PIK3R6: variants seen among roughly 807,000 people sequenced by gnomAD.
The protein encoded by PIK3R6 is phosphoinositide 3-kinase regulatory subunit 6.
Under a neutral mutation model 84.9 loss-of-function variants are expected in PIK3R6, and 91 were observed. The observed-to-expected ratio is 1.07, with a 90% CI of 0.90 to 1.28. The LOEUF (loss-of-function observed/expected upper bound fraction) is 1.28. PIK3R6 is among the 50% of genes most tolerant of loss of function. PIK3R6 has a pLI of 0.00. For synonymous variants in PIK3R6, 416 were observed against 411.4 expected (o/e 1.01, Z -0.13); for missense variants, 996 against 985.1 (o/e 1.01, Z -0.15).
intron 10 of PIK3R6, among the ~76,000 whole-genome samples, 158 bp downstream of exon 10, chr17:8,829,548 A>G (rs1567588723): frequency 3.3e-5 from 5 of 149,766 alleles, no homozygotes; most frequent in Admixed American, 6.6e-5. Context: ...ATGCACACAG[A>G]CACACACTCA....
At chr17:8,859,653 G>T (rs1251607048) in intron 1 of PIK3R6, among the ~76,000 whole-genome samples, 1 of 152,176 alleles carries the variant, frequency 6.6e-6, no homozygotes, top group African/African-American at 2.4e-5. Flanking sequence ...GGAGGAGGAA[G>T]GGCAGATGTG....
intron 17 of PIK3R6, among the ~76,000 whole-genome samples, chr17:8,819,857 G>GAC (rs908362842): frequency 2.1e-5 from 3 of 143,236 alleles, no homozygotes; most frequent in Non-Finnish European, 4.5e-5. Flanking sequence ...TGTATATATA[G>GAC]ACACACATAT....
At chr17:8,847,938 C>T (rs1352624993) in intron 2 of PIK3R6, among the ~76,000 whole-genome samples, 1 of 152,182 alleles carries the variant, frequency 6.6e-6, no homozygotes, top group Non-Finnish European at 1.5e-5. Flanking sequence ...GTTTCACCTG[C>T]CCAGCATCCC....
chr17:8,804,206 C>G, intron 18 of PIK3R6, 53 bp from the exon 19 acceptor site: 1 of 1,443,208 alleles, frequency 6.9e-7, no homozygotes, highest in Non-Finnish European at 9.7e-7. Context: ...ACAGGTGGCC[C>G]TGCCAACATG....
At position 8,828,792 on chromosome 17, in the gene PIK3R6, C is replaced by A; in HGVS notation, c.1088G>T (p.Arg363Leu). ...GCCCCCTTTGCGCTGCAGCCCGGCTCGCTCCATCTCAGGGCTGCCGGGTGC... is the reference window on the plus strand; with the variant it reads ...GCCCCCTTTGCGCTGCAGCCCGGCTAGCTCCATCTCAGGGCTGCCGGGTGC... ...LPAPGSPEME[R>L]AGLQRKGGIK... Residue 363 changes from arginine to leucine, a missense_variant, in exon 11 of 20, where the codon CGA becomes CTA. Coordinates refer to ENST00000619866, the MANE Select transcript of PIK3R6 (RefSeq NM_001010855.4). 6.3e-7 allele frequency: 1 copy of A among 1,586,884 alleles called. No individual in the cohort carries two copies. The highest frequency in any genetic ancestry group is 8.6e-7 in the Non-Finnish European group (1 of 1,164,506).
chr17:8,821,908 A>T lies in PIK3R6; in HGVS notation c.1817T>A (p.Val606Asp). Reference sequence around the variant, plus strand: ...CCCAGTGGCCCGCAGGGAAACGGTGACCTCTCGGGGCCGGTGGCTAAGCAA... The same window carrying T: ...CCCAGTGGCCCGCAGGGAAACGGTGTCCTCTCGGGGCCGGTGGCTAAGCAA... ...KALLSHRPRE[V>D]TVSLRATGLI... Residue 606 changes from valine to aspartate, a missense_variant, in exon 17 of 20, where the codon GTC becomes GAC. Physicochemically the swap from Val to Asp is radical, Grantham distance 152. Coordinates refer to ENST00000619866, the MANE Select transcript of PIK3R6 (RefSeq NM_001010855.4). 3 of 1,590,608 alleles carry T rather than the reference A, an allele frequency of 1.9e-6. No individual in the cohort carries two copies. The highest frequency in any genetic ancestry group is 2.6e-6 in the Non-Finnish European group (3 of 1,168,672).
At chr17:8,822,722 C>G in intron 15 of PIK3R6, 65 bp from the exon 16 acceptor site, 1 of 1,508,966 alleles carries the variant, frequency 6.6e-7, no homozygotes, top group Non-Finnish European at 9.1e-7. Flanking sequence ...ACTTCCCCAC[C>G]TCTCTGAGGG....
In PIK3R6 at chr17:8,822,653, G is replaced by A. The variant is rs2087779523; in HGVS notation, c.1722C>T (p.Gly574=). ...CCACGCCTCTCCTCCTGGGTGAAAA[G>A]CCATCTGTGGGGAGATGAGAAGAGG... is the stretch of plus-strand genomic sequence containing the variant. ...KIQDSKFPKD[G]FSPRRRGVAE... is the part of the protein sequence containing the mutation. The change falls in exon 16 of 20, where the codon GGC becomes GGT. Residue 574 remains glycine (G), a synonymous_variant. Transcript: ENST00000619866. 6.2e-7 allele frequency: 1 copy of A among 1,613,844 alleles called. No homozygotes were observed. The highest frequency in any genetic ancestry group is 8.5e-7 in the Non-Finnish European group (1 of 1,179,868).
rs1002120849 is a variant in PIK3R6, at chr17:8,835,454, A to G, written c.464T>C (p.Val155Ala). 1.9e-6 allele frequency: 3 copies of G among 1,557,390 alleles called. No individual in the cohort carries two copies. Among genetic ancestry groups the G allele is most frequent in the Non-Finnish European group, 2.6e-6 (3 of 1,141,572 alleles). ...TNELYPYQER[V>A]FLFVDPELVS... ...CAGCTCAGGATCCACGAAGAGGAAC[A>G]CTCTGAGGGCAGAAGCAGAGGGGAG... Residue 155 changes from valine (V) to alanine (A), a missense_variant and splice_region_variant, in exon 8 of 20, where the codon GTG (valine) becomes GCG (alanine). Coordinates refer to ENST00000619866, the MANE Select transcript of PIK3R6 (RefSeq NM_001010855.4).
At chr17:8,834,365 G>A (rs1468277077) in intron 8 of PIK3R6, among the ~76,000 whole-genome samples, 1 of 150,856 alleles carries the variant, frequency 6.6e-6, no homozygotes, top group Non-Finnish European at 1.5e-5. Flanking sequence ...AAGAGAGATG[G>A]GAACAGGTCA....
At chr17:8,854,398 C>T (rs1035279229) in intron 1 of PIK3R6, among the ~76,000 whole-genome samples, 16 of 152,296 alleles carry the variant, frequency 1.1e-4, no homozygotes, top group African/African-American at 3.1e-4. Context: ...CCTCCCGCCT[C>T]GGTCTCCCAA....
chr17:8,856,111 C>T (rs559191619), intron 1 of PIK3R6, among the ~76,000 whole-genome samples: 16 of 152,186 alleles, frequency 1.1e-4, no homozygotes, highest in Admixed American at 1.3e-4. Context: ...ATTCTAGAAA[C>T]GAAAATAAAA....
chr17:8,828,111 C>G lies in PIK3R6; in HGVS notation c.1392+1G>C, dbSNP rs2088009690. Reference sequence around the variant, plus strand: ...CCACCGCCTCCCCGCGGTCCAGTCACCTCAGGCGCCAGCACGGGGATGTAG... The same window carrying G: ...CCACCGCCTCCCCGCGGTCCAGTCAGCTCAGGCGCCAGCACGGGGATGTAG... On this transcript the variant is annotated splice_donor_variant, in intron 12 of 19. Coordinates refer to ENST00000619866, the MANE Select transcript of PIK3R6 (RefSeq NM_001010855.4). LOFTEE classifies it high-confidence loss of function. 1 of 1,613,752 alleles carries G rather than the reference C, an allele frequency of 6.2e-7. No homozygotes were observed. The highest frequency in any genetic ancestry group is 8.5e-7 in the Non-Finnish European group (1 of 1,179,828).
At position 8,844,143 on chromosome 17, in the gene PIK3R6, C is replaced by T. The variant is rs2088760823; in HGVS notation, c.14-4446G>A. ...AGCACTGAGCCCTGTGCCTCTGATG[C>T]CACAGCAAAGGTCTCCTGAGCCATC... On this transcript the variant is annotated intron_variant, in intron 2 of 19. Transcript: ENST00000619866. The surrounding 1 kb of genome is among the most constrained non-coding windows in gnomAD (Gnocchi z 4.5). Among the ~76,000 whole-genome samples the T allele has an allele frequency of 6.6e-6, 1 of 152,218 alleles. No individual in the cohort carries two copies. Among genetic ancestry groups the T allele is most frequent in the African/African-American group, 2.4e-5 (1 of 41,450 alleles).
chr17:8,855,908 G>A (rs1262942652), intron 1 of PIK3R6, among the ~76,000 whole-genome samples: 1 of 152,148 alleles, frequency 6.6e-6, no homozygotes, highest in Non-Finnish European at 1.5e-5. Flanking sequence ...TATTCAGAAT[G>A]GCCCCAAACT....
chr17:8,806,349 G>A (rs9912990), intron 18 of PIK3R6, among the ~76,000 whole-genome samples: 6,331 of 152,180 alleles, frequency 0.042, 454 homozygotes, highest in African/African-American at 0.14. Flanking sequence ...GCTGCTCTAG[G>A]TGTCTCTGGC....
Position 8,867,673 on chromosome 17 carries a change from G to T in PIK3R6, c.-236C>A, listed in dbSNP as rs765364218. 2.4e-6 allele frequency: 1 copy of T among 420,320 alleles called. No individual in the cohort carries two copies. Among genetic ancestry groups the T allele is most frequent in the Non-Finnish European group, 4.9e-6 (1 of 205,250 alleles). The allele number at this position is 420,320 out of a possible 1,614,324, so 26.0% of individuals were successfully genotyped here. On this transcript the variant is annotated 5_prime_UTR_variant, in exon 1 of 20. Transcript: ENST00000619866. ...GGTCTTGACTGTGCTCTTCAGATCT[G>T]CAAAGAAAAGCTCGATGTCTCACAG...
At position 8,842,896 on chromosome 17, in the gene PIK3R6, C is replaced by T. The variant is rs927699337; in HGVS notation, c.14-3199G>A. 1.3e-5 allele frequency among the ~76,000 whole-genome samples: 2 copies of T among 152,192 alleles called. No homozygotes were observed. The highest frequency in any genetic ancestry group is 1.3e-4 in the Admixed American group (2 of 15,276). On this transcript the variant is annotated intron_variant, in intron 2 of 19. Transcript: ENST00000619866. The surrounding 1 kb of genome is among the most constrained non-coding windows in gnomAD (Gnocchi z 4.5). ...GAATAGAGATAACAAATTTAAAAAT[C>T]AGCAGATTGCAGTCCAAGAGTTAAA...
chr17:8,812,982 T>C (rs1401815488), intron 18 of PIK3R6, among the ~76,000 whole-genome samples: 1 of 151,946 alleles, frequency 6.6e-6, no homozygotes, highest in Non-Finnish European at 1.5e-5. Flanking sequence ...ATAAACAAAA[T>C]TGATAGACCA....
Sources: allele counts gnomAD v4.1 joint callset (sites outside exome capture counted in the v4.1 genomes callset), GRCh38; gene constraint gnomAD v4.1.1; non-coding constraint Gnocchi (gnomAD v3.1); transcripts MANE v1.5; gene names NCBI Gene and HGNC (gene_info 2026-07-23, HGNC 2026-07-21).